Variants in PRPSAP1 observed in about 807,000 individuals in gnomAD.
PRPSAP1 encodes phosphoribosyl pyrophosphate synthase-associated protein 1.
Under a neutral mutation model 39.4 loss-of-function variants are expected in PRPSAP1, and 31 were observed. The ratio of observed to expected loss-of-function variants is 0.79; its 90% CI spans 0.59 to 1.06. The LOEUF (loss-of-function observed/expected upper bound fraction) is 1.06. PRPSAP1 is among the 50% of genes least tolerant of loss of function. The pLI is 0.00. For missense variants in PRPSAP1, 430 were observed against 511.6 expected (o/e 0.84, Z 1.54); for synonymous variants, 212 against 192.6 (o/e 1.10, Z -0.83).
intron 3 of PRPSAP1, among the ~76,000 whole-genome samples, chr17:76,340,927 G>C (rs957959628): frequency 2.7e-5 from 4 of 150,712 alleles, no homozygotes; most frequent in African/African-American, 7.3e-5. Context: ...GCGGGGGGTA[G>C]GGGGGGACTG....
At chr17:76,340,097 G>T (rs1307015345) in intron 3 of PRPSAP1, among the ~76,000 whole-genome samples, 1 of 145,444 alleles carries the variant, frequency 6.9e-6, no homozygotes, top group African/African-American at 2.6e-5. Context: ...AGTGAGCCGA[G>T]ATCGTGCCAC....
chr17:76,353,307 G>A (rs1454450932), intron 1 of PRPSAP1: 2 of 499,406 alleles, frequency 4.0e-6, no homozygotes, highest in African/African-American at 2.0e-5. Flanking sequence ...ACCCAGTCAC[G>A]GGGCGGGGGG....
At chr17:76,331,245 T>C (rs2071318999) in intron 4 of PRPSAP1, among the ~76,000 whole-genome samples, 1 of 152,274 alleles carries the variant, frequency 6.6e-6, no homozygotes, top group South Asian at 2.1e-4. Context: ...TATAAACACA[T>C]TGCAAATGGT....
rs185848775 is a variant in PRPSAP1, at chr17:76,329,131, G to A, written c.636-269C>T. 2.8e-4 allele frequency: 88 copies of A among 316,464 alleles called. 2 individuals carry two copies. The highest frequency in any genetic ancestry group is 1.4e-3 in the African/African-American group (66 of 45,784). The allele number at this position is 316,464 out of a possible 1,614,324, so 19.6% of individuals were successfully genotyped here. A position where few individuals can be genotyped will look rare whatever the true frequency, so the allele number is the denominator to read the frequency against. ...GTCACCCAGGCTGGAGTGCAGTGGC[G>A]TCAACATGGCTCACTGCAGCCTCAA... On this transcript the variant is annotated intron_variant, in intron 6 of 9. Transcript: ENST00000446526.
chr17:76,351,952 G>C (rs2071578490), intron 1 of PRPSAP1, among the ~76,000 whole-genome samples: 1 of 151,676 alleles, frequency 6.6e-6, no homozygotes, highest in Non-Finnish European at 1.5e-5. Flanking sequence ...TGTTTTCGTT[G>C]GCCTCAGAAA....
intron 1 of PRPSAP1, among the ~76,000 whole-genome samples, chr17:76,349,813 C>T (rs2071548646): frequency 6.6e-6 from 1 of 151,630 alleles, no homozygotes; most frequent in Admixed American, 6.6e-5. Context: ...AGGCCAGGCG[C>T]AGTGGTTCAT....
In PRPSAP1 at chr17:76,311,307, T is replaced by C. The variant is rs1436252110; in HGVS notation, c.*235A>G. ...TATTTTTAAGAAAGCAGCTAGAACT[T>C]TTAAGGAACAGGGCTGATGACAGCA... On this transcript the variant is annotated 3_prime_UTR_variant, in exon 10 of 10. Transcript: ENST00000446526. 7 of 376,414 alleles carry C rather than the reference T, an allele frequency of 1.9e-5. No individual in the cohort carries two copies. The highest frequency in any genetic ancestry group is 3.3e-5 in the Non-Finnish European group (7 of 213,568). The allele number at this position is 376,414 out of a possible 1,614,324, so 23.3% of individuals were successfully genotyped here.
intron 7 of PRPSAP1, 82 bp downstream of exon 7, chr17:76,328,635 A>C (rs117578720): frequency 0.035 from 51,713 of 1,492,110 alleles, 1,044 homozygotes; most frequent in Non-Finnish European, 0.042. Context: ...AAAACAAAAC[A>C]ACAACAACAA....
chr17:76,340,783 G>A (rs368382077), intron 3 of PRPSAP1, among the ~76,000 whole-genome samples: 2 of 151,844 alleles, frequency 1.3e-5, no homozygotes, highest in South Asian at 2.1e-4. Context: ...CCAGCTACTC[G>A]GGAGGCTGAG....
intron 5 of PRPSAP1, chr17:76,330,309 A>C (rs550354825): frequency 1.7e-6 from 1 of 602,284 alleles, no homozygotes; most frequent in Non-Finnish European, 2.9e-6. Context: ...AATAATTCTT[A>C]AAACATTCAT....
intron 7 of PRPSAP1, among the ~76,000 whole-genome samples, chr17:76,324,425 C>G (rs540558442): frequency 6.6e-6 from 1 of 151,650 alleles, no homozygotes; most frequent in South Asian, 2.1e-4. Context: ...ATGGTGAAAC[C>G]CTGTCTCTAC....
intron 7 of PRPSAP1, among the ~76,000 whole-genome samples, chr17:76,324,965 G>A (rs1282283541): frequency 6.6e-6 from 1 of 151,596 alleles, no homozygotes; most frequent in Non-Finnish European, 1.5e-5. Flanking sequence ...CTACTTGGGA[G>A]GCTGCGGCAG....
At chr17:76,328,542 G>C (rs546354570) in intron 7 of PRPSAP1, among the ~76,000 whole-genome samples, 175 bp downstream of exon 7, 5 of 152,324 alleles carry the variant, frequency 3.3e-5, no homozygotes, top group African/African-American at 1.2e-4. Flanking sequence ...CCAGGAGGCA[G>C]AGGTTGCAGT....
At chr17:76,335,164 G>C (rs1037054295) in intron 3 of PRPSAP1, among the ~76,000 whole-genome samples, 2 of 152,040 alleles carry the variant, frequency 1.3e-5, no homozygotes, top group Admixed American at 6.6e-5. Flanking sequence ...GCCATGGCTG[G>C]TCTTGAACTC....
In PRPSAP1 at chr17:76,312,865, C is replaced by T. The variant is rs1209107938; in HGVS notation, c.999+5G>A. 6.2e-7 allele frequency: 1 copy of T among 1,603,372 alleles called. No homozygotes were observed. Among genetic ancestry groups the T allele is most frequent in the Non-Finnish European group, 8.5e-7 (1 of 1,176,970 alleles). Reference sequence around the variant, plus strand: ...TCTTGGCTCAAGATTTAGAAGCAGCCTGACCTCGTCTACGGAGGACTCCTC... The same window carrying T: ...TCTTGGCTCAAGATTTAGAAGCAGCTTGACCTCGTCTACGGAGGACTCCTC... On this transcript the variant is annotated splice_donor_5th_base_variant and intron_variant, in intron 9 of 9. Transcript: ENST00000446526.
intron 1 of PRPSAP1, among the ~76,000 whole-genome samples, chr17:76,352,618 C>A (rs577079234): frequency 7.9e-6 from 1 of 126,990 alleles, no homozygotes; most frequent in African/African-American, 3.1e-5. Context: ...GCACTCCAGC[C>A]TGGGTGACAG....
chr17:76,343,229 C>CCACT (rs1437495612), intron 3 of PRPSAP1, among the ~76,000 whole-genome samples: 1 of 152,164 alleles, frequency 6.6e-6, no homozygotes, highest in Admixed American at 6.5e-5. Flanking sequence ...GTGTAATGGC[C>CCACT]CACTCCCTGT....
At chr17:76,319,074 G>T (rs2071157209) in intron 7 of PRPSAP1, among the ~76,000 whole-genome samples, 1 of 151,866 alleles carries the variant, frequency 6.6e-6, no homozygotes, top group Non-Finnish European at 1.5e-5. Context: ...CAAGTAGCTG[G>T]GATTACAGAT....
intron 7 of PRPSAP1, among the ~76,000 whole-genome samples, chr17:76,328,174 GA>G (rs2071273420): frequency 6.9e-6 from 1 of 144,502 alleles, no homozygotes; most frequent in Non-Finnish European, 1.5e-5. Flanking sequence ...GCAACAGGGG[GA>G]GATCCTTTCT....
Sources: allele counts gnomAD v4.1 joint callset (sites outside exome capture counted in the v4.1 genomes callset), GRCh38; gene constraint gnomAD v4.1.1; transcripts MANE v1.5; gene names NCBI Gene and HGNC (gene_info 2026-07-23, HGNC 2026-07-21).